Variants in DIP2C observed in about 807,000 individuals in gnomAD.
DIP2C encodes DIP2 acetate--CoA ligase C (putative), also known as disco-interacting protein 2 homolog C.
DIP2C carries 33 observed loss-of-function variants against 192.4 expected under a neutral mutation model. The observed-to-expected ratio is 0.17, with a 90% confidence interval of 0.13 to 0.23. The LOEUF (loss-of-function observed/expected upper bound fraction) is 0.23. DIP2C is among the 10% of genes least tolerant of loss of function. DIP2C has a pLI of 1.00. For missense variants in DIP2C, 1,537 were observed against 2,110.1 expected, an observed-to-expected ratio of 0.73 and a Z score of 5.32; for synonymous variants, 979 against 864.1, an observed-to-expected ratio of 1.13 and a Z score of -2.33.
intron 5 of DIP2C, 121 bp from the exon 6 acceptor site, chr10:419,320 G>A (rs1322368772): frequency 1.0e-5 from 15 of 1,434,254 alleles, no homozygotes; most frequent in African/African-American, 1.4e-5. Flanking sequence ...GCCATGGAAA[G>A]CCAGAGCCGA....
chr10:291,953 TCAGC>T (rs1484403272), intron 32 of DIP2C, among the ~76,000 whole-genome samples: 1 of 152,186 alleles, frequency 6.6e-6, no homozygotes, highest in Non-Finnish European at 1.5e-5. Flanking sequence ...AAATACAGGC[TCAGC>T]CAGGCTGGCC....
chr10:524,155 G>A (rs1846908470), intron 1 of DIP2C, among the ~76,000 whole-genome samples: 1 of 152,186 alleles, frequency 6.6e-6, no homozygotes, highest in African/African-American at 2.4e-5. Context: ...GGCCCCTAGT[G>A]GGGCAGCTTC....
chr10:615,356 C>CG (rs1373398502), intron 1 of DIP2C, among the ~76,000 whole-genome samples: 3 of 152,158 alleles, frequency 2.0e-5, no homozygotes, highest in Non-Finnish European at 4.4e-5. Context: ...CCTGGAAACT[C>CG]GCAGCCACCC....
intron 9 of DIP2C, among the ~76,000 whole-genome samples, 187 bp from the exon 10 acceptor site, chr10:399,406 A>C (rs552521203): frequency 7.2e-5 from 11 of 152,336 alleles, no homozygotes; most frequent in African/African-American, 1.9e-4. Context: ...ATAGAAGACA[A>C]ACGTGAACAG....
intron 26 of DIP2C, among the ~76,000 whole-genome samples, chr10:347,459 C>G (rs569576842): frequency 7.6e-6 from 1 of 131,428 alleles, no homozygotes; most frequent in East Asian, 2.4e-4. Flanking sequence ...ACACATCGCG[C>G]ATAGTTCTCC....
At chr10:411,116 A>T (rs1965156509) in intron 8 of DIP2C, among the ~76,000 whole-genome samples, 1 of 152,238 alleles carries the variant, frequency 6.6e-6, no homozygotes, top group Non-Finnish European at 1.5e-5. Context: ...CAGCAAGGCC[A>T]CAGAAAGGTG....
intron 1 of DIP2C, among the ~76,000 whole-genome samples, chr10:637,254 C>T (rs1854889230): frequency 6.7e-6 from 1 of 149,920 alleles, no homozygotes; most frequent in Admixed American, 6.6e-5. Flanking sequence ...AGAAAATTCA[C>T]AACCTGCCTT....
chr10:382,583 C>T (rs180809240), intron 17 of DIP2C, 64 bp downstream of exon 17: 4 of 1,300,850 alleles, frequency 3.1e-6, no homozygotes, highest in Admixed American at 3.8e-5. Flanking sequence ...ATTTCCTGAT[C>T]TCCCTTCGCT....
chr10:606,736 A>G, intron 1 of DIP2C, among the ~76,000 whole-genome samples: 1 of 152,234 alleles, frequency 6.6e-6, no homozygotes. Context: ...ACAACAAAAA[A>G]TCCAAAACCC....
intron 17 of DIP2C, among the ~76,000 whole-genome samples, chr10:375,891 G>C (rs570653777): frequency 3.3e-5 from 5 of 152,034 alleles, no homozygotes; most frequent in African/African-American, 1.2e-4. Context: ...TATCTTATAC[G>C]GGCGATCTCC....
intron 1 of DIP2C, among the ~76,000 whole-genome samples, chr10:627,728 G>A (rs1413521413): frequency 3.9e-5 from 6 of 152,282 alleles, no homozygotes; most frequent in East Asian, 3.8e-4. Flanking sequence ...ACGCAAGAGC[G>A]AGGCTGCGCC....
At chr10:670,469 T>C (rs1357524166) in intron 1 of DIP2C, among the ~76,000 whole-genome samples, 1 of 152,086 alleles carries the variant, frequency 6.6e-6, no homozygotes, top group Non-Finnish European at 1.5e-5. Context: ...CAGGGTAGGG[T>C]GTCAACAAGT....
At chr10:392,565 C>G (rs1366021937) in intron 10 of DIP2C, among the ~76,000 whole-genome samples, 1 of 152,146 alleles carries the variant, frequency 6.6e-6, no homozygotes, top group African/African-American at 2.4e-5. Context: ...TGTAGAGTGC[C>G]CCCCGCGGCC....
Position 576,755 on chromosome 10 carries a change from A to G in DIP2C, c.86-90225T>C, listed in dbSNP as rs1473582787. Among the ~76,000 whole-genome samples the G allele has an allele frequency of 3.9e-5, 6 of 152,232 alleles. No individual in the cohort carries two copies. The East Asian group carries it at 1.2e-3, about 29-fold the overall frequency. On this transcript the variant is annotated intron_variant, in intron 1 of 36. Coordinates refer to ENST00000280886, the MANE Select transcript of DIP2C (RefSeq NM_014974.3). Reference sequence around the variant, plus strand: ...AAACCCCATCTCGACTAAAAATAAAAAATTAGCCAGGCATGGTGGCACGCG... The same window carrying G: ...AAACCCCATCTCGACTAAAAATAAAGAATTAGCCAGGCATGGTGGCACGCG...
At chr10:484,858 C>T (rs776692951) in intron 2 of DIP2C, 6 of 1,611,690 alleles carry the variant, frequency 3.7e-6, no homozygotes, top group Non-Finnish European at 5.1e-6. Context: ...TCGGACGTCG[C>T]ACACCCCGAT....
At chr10:354,941 A>G (rs1959005371) in intron 24 of DIP2C, among the ~76,000 whole-genome samples, 2 of 151,918 alleles carry the variant, frequency 1.3e-5, no homozygotes, top group Non-Finnish European at 2.9e-5. Flanking sequence ...CAGGAAATCA[A>G]GACAGCACCC....
chr10:545,678 G>C (rs573692872), intron 1 of DIP2C, among the ~76,000 whole-genome samples: 1 of 152,258 alleles, frequency 6.6e-6, no homozygotes, highest in East Asian at 1.9e-4. Flanking sequence ...TGTCTGTTAC[G>C]GTACCCAGCA....
intron 31 of DIP2C, among the ~76,000 whole-genome samples, chr10:321,462 T>C (rs1487049787): frequency 6.6e-6 from 1 of 152,186 alleles, no homozygotes; most frequent in Middle Eastern, 3.2e-3. Context: ...CCCTATCTCC[T>C]GGAGATAAAA....
At chr10:535,386 G>A (rs1308874582) in intron 1 of DIP2C, among the ~76,000 whole-genome samples, 4 of 151,936 alleles carry the variant, frequency 2.6e-5, no homozygotes, top group Non-Finnish European at 5.9e-5. Context: ...GCTTCTCGGG[G>A]GGCATTTCCC....
Sources: gnomAD v4.1 joint callset for allele counts (sites outside exome capture counted in the v4.1 genomes callset) on GRCh38, gnomAD v4.1.1 for gene constraint, MANE v1.5 for transcripts, NCBI Gene and HGNC (gene_info 2026-07-23, HGNC 2026-07-21) for gene names.